Variants in CACNG5 observed in about 807,000 individuals in gnomAD.
The protein encoded by CACNG5 is voltage-dependent calcium channel gamma-5 subunit.
CACNG5 carries 18 observed loss-of-function variants against 24.8 expected under a neutral mutation model. The observed-to-expected ratio is 0.73, with a 90% CI of 0.50 to 1.08. The LOEUF is 1.08. Ranked by LOEUF, CACNG5 falls within the 50% of genes least tolerant of loss-of-function variation. CACNG5 has a pLI of 0.00. For synonymous variants in CACNG5, 157 were observed against 149.1 expected (o/e 1.05, Z -0.39); for missense variants, 349 against 367.9 (o/e 0.95, Z 0.42).
At chr17:66,879,866 ACCTTG>A (rs1977133589) in intron 3 of CACNG5, among the ~76,000 whole-genome samples, 1 of 151,978 alleles carries the variant, frequency 6.6e-6, no homozygotes. Flanking sequence ...CTAGCCCCTT[ACCTTG>A]CCTAGAGGCC....
intron 1 of CACNG5, among the ~76,000 whole-genome samples, chr17:66,849,070 G>A (rs1219192870): frequency 1.3e-5 from 2 of 152,164 alleles, no homozygotes; most frequent in Non-Finnish European, 2.9e-5. Context: ...AGGGAGTACC[G>A]CGGGGTTCAC....
chr17:66,884,056 C>T (rs996575654), intron 4 of CACNG5, among the ~76,000 whole-genome samples: 2 of 151,404 alleles, frequency 1.3e-5, no homozygotes, highest in African/African-American at 4.9e-5. Flanking sequence ...CACTTGAACC[C>T]GGGAGGCAGA....
At chr17:66,884,386 C>T in intron 4 of CACNG5, 130 bp from the exon 5 acceptor site, 2 of 911,028 alleles carry the variant, frequency 2.2e-6, no homozygotes, top group South Asian at 3.3e-5. Context: ...CTCCTTTGAA[C>T]TCCACTGAGA....
chr17:66,879,859 G>A (rs1977133355), intron 3 of CACNG5, among the ~76,000 whole-genome samples: 1 of 152,058 alleles, frequency 6.6e-6, no homozygotes, highest in Non-Finnish European at 1.5e-5. Context: ...TCACCCTCTA[G>A]CCCCTTACCT....
intron 1 of CACNG5, among the ~76,000 whole-genome samples, chr17:66,873,499 A>G (rs1054083812): frequency 1.3e-5 from 2 of 152,130 alleles, no homozygotes; most frequent in Non-Finnish European, 1.5e-5. Flanking sequence ...ATCTCCAAAC[A>G]TGAATCTTTT....
Position 66,893,084 on chromosome 17 carries a change from G to A in CACNG5, c.*7844G>A, listed in dbSNP as rs573541636. Among the ~76,000 whole-genome samples the A allele has an allele frequency of 2.6e-5, 4 of 152,230 alleles. No individual in the cohort carries two copies. Among genetic ancestry groups the A allele is most frequent in the Admixed American group, 6.5e-5 (1 of 15,300 alleles). The stretch of plus-strand genomic sequence containing the variant: ...TCATGTAACCCTTTCCATCCTGTAC[G>A]TAGAATACTGAGACCTAAAGAAGTT... On this transcript the variant is annotated 3_prime_UTR_variant, in exon 6 of 6. Transcript: ENST00000533854.
At chr17:66,837,350 C>G (rs902472439) in intron 1 of CACNG5, among the ~76,000 whole-genome samples, 4 of 152,174 alleles carry the variant, frequency 2.6e-5, no homozygotes, top group African/African-American at 7.2e-5. Flanking sequence ...AGGATGTAAC[C>G]CAGTCTCCAG....
Position 66,886,459 on chromosome 17 carries a change from G to A in CACNG5, c.*1219G>A, listed in dbSNP as rs1234393268. On this transcript the variant is annotated 3_prime_UTR_variant, in exon 6 of 6. Coordinates refer to ENST00000533854, the MANE Select transcript of CACNG5 (RefSeq NM_145811.3). ...TTCTGGTGGGAAACCGGAGCCAGGA[G>A]GGTTTCAATTACCCTCCGTAAGTCC... Among the ~76,000 whole-genome samples the A allele has an allele frequency of 6.6e-6, 1 of 152,154 alleles. No individual in the cohort carries two copies. The highest frequency in any genetic ancestry group is 1.5e-5 in the Non-Finnish European group (1 of 68,032).
chr17:66,843,344 G>A (rs1976592513), intron 1 of CACNG5, among the ~76,000 whole-genome samples: 1 of 152,204 alleles, frequency 6.6e-6, no homozygotes, highest in South Asian at 2.1e-4. Context: ...AGGGGGACAG[G>A]ACATTTCAAG....
chr17:66,867,501 T>C (rs1051820312), intron 1 of CACNG5, among the ~76,000 whole-genome samples: 1 of 152,232 alleles, frequency 6.6e-6, no homozygotes, highest in Non-Finnish European at 1.5e-5. Context: ...AATTTTTGCT[T>C]TTGTTGCAAT....
rs7214358 is a variant in CACNG5 at position 66,893,793 on chromosome 17, A to G, written c.*8553A>G. Among the ~76,000 whole-genome samples the G allele has an allele frequency of 0.032, 4,915 of 152,080 alleles. 281 individuals are homozygous for G. The highest frequency in any genetic ancestry group is 0.11 in the African/African-American group (4,695 of 41,444). On this transcript the variant is annotated 3_prime_UTR_variant, in exon 6 of 6. Coordinates refer to ENST00000533854, the MANE Select transcript of CACNG5 (RefSeq NM_145811.3). ...GGAAGAGATGTTTCATTTGTTCACA[A>G]TGTTTCCTGAAGCACTGGAAGCGTA...
At chr17:66,870,800 G>A (rs1005240987) in intron 1 of CACNG5, among the ~76,000 whole-genome samples, 3 of 152,138 alleles carry the variant, frequency 2.0e-5, no homozygotes, top group Non-Finnish European at 4.4e-5. Flanking sequence ...CTGACCTGGT[G>A]AAACCCCATC....
intron 1 of CACNG5, among the ~76,000 whole-genome samples, chr17:66,854,380 C>T (rs577568569): frequency 4.7e-5 from 7 of 148,808 alleles, no homozygotes; most frequent in East Asian, 3.9e-4. Flanking sequence ...GAGCCGAGAT[C>T]GCGCCACTGC....
chr17:66,854,753 A>G (rs2143056318), intron 1 of CACNG5, among the ~76,000 whole-genome samples: 1 of 152,278 alleles, frequency 6.6e-6, no homozygotes, highest in Middle Eastern at 3.4e-3. Flanking sequence ...GTTTCAGCAC[A>G]TACATATGGC....
At position 66,885,246 on chromosome 17, in the gene CACNG5, G is replaced by A. The variant is rs773190301; in HGVS notation, c.*6G>A. 2.0e-5 allele frequency: 31 copies of A among 1,568,970 alleles called. No individual in the cohort carries two copies. The highest frequency in any genetic ancestry group is 1.3e-4 in the East Asian group (6 of 44,612). ...TGTCCTCTTCACCCTGCTGAGCCTC[G>A]GCCGCCCCCATCCCTGGACTGTGGG... On this transcript the variant is annotated 3_prime_UTR_variant, in exon 6 of 6. Transcript: ENST00000533854.
At chr17:66,857,220 A>AT (rs969518429) in intron 1 of CACNG5, among the ~76,000 whole-genome samples, 3 of 151,696 alleles carry the variant, frequency 2.0e-5, no homozygotes, top group African/African-American at 4.8e-5. Flanking sequence ...CTATCTTTAG[A>AT]TTTTTTGTAG....
chr17:66,858,035 G>A (rs1317409300), intron 1 of CACNG5, among the ~76,000 whole-genome samples: 2 of 152,140 alleles, frequency 1.3e-5, no homozygotes, highest in Non-Finnish European at 2.9e-5. Flanking sequence ...GAGGTCATGG[G>A]CACACCATGC....
At chr17:66,881,704 G>T (rs1384709187) in intron 4 of CACNG5, among the ~76,000 whole-genome samples, 1 of 152,098 alleles carries the variant, frequency 6.6e-6, no homozygotes, top group Non-Finnish European at 1.5e-5. Context: ...CTGCAAGGGG[G>T]CCAAGACCAG....
chr17:66,837,968 C>G (rs956376243), intron 1 of CACNG5, among the ~76,000 whole-genome samples: 1 of 151,756 alleles, frequency 6.6e-6, no homozygotes, highest in Admixed American at 6.6e-5. Context: ...AGGCCTGTGT[C>G]TGGGTTGGGC....
Sources: allele counts gnomAD v4.1 joint callset (sites outside exome capture counted in the v4.1 genomes callset), GRCh38; gene constraint gnomAD v4.1.1; transcripts MANE v1.5; gene names NCBI Gene and HGNC (gene_info 2026-07-23, HGNC 2026-07-21).